PTGR2: variants seen among roughly 807,000 people sequenced by gnomAD.
The protein encoded by PTGR2 is prostaglandin reductase 2, also known as 15-oxoprostaglandin 13-reductase.
In PTGR2, 32 loss-of-function variants were observed where a neutral mutation model predicts 43.4. The ratio of observed to expected loss-of-function variants is 0.74; its 90% CI spans 0.56 to 0.99. The LOEUF is 0.99. Ranked by LOEUF, PTGR2 falls within the 50% of genes least tolerant of loss-of-function variation. The pLI is 0.00. For synonymous variants in PTGR2, 106 were observed against 139.2 expected (o/e 0.76, Z 1.68); for missense variants, 373 against 420.0 (o/e 0.89, Z 0.98).
At chr14:73,868,328 G>A (rs557794221) in intron 3 of PTGR2, among the ~76,000 whole-genome samples, 59 of 151,894 alleles carry the variant, frequency 3.9e-4, no homozygotes, top group Middle Eastern at 3.4e-3. Context: ...TCCTTTACCT[G>A]TCCAGGCTCA....
At position 73,873,465 on chromosome 14, in the gene PTGR2, C is replaced by CT. The variant is rs373183552; in HGVS notation, c.157-546dup. 1.6e-3 allele frequency among the ~76,000 whole-genome samples: 237 copies of CT among 145,838 alleles called. 1 individual carries two copies. The highest frequency in any genetic ancestry group is 4.4e-3 in the African/African-American group (176 of 39,622). On this transcript the variant is annotated intron_variant, in intron 3 of 9. Coordinates refer to ENST00000555661, the MANE Select transcript of PTGR2 (RefSeq NM_001146154.2). ...CAAGTTTCTTTTTTTCTTTTCTTTTCTTTTTTTTTTTTGAGACGGAGTTTC... is the reference window on the plus strand; with the variant it reads ...CAAGTTTCTTTTTTTCTTTTCTTTTCTTTTTTTTTTTTTGAGACGGAGTTTC...
At chr14:73,855,061 C>A (rs2054313397) in intron 1 of PTGR2, among the ~76,000 whole-genome samples, 1 of 152,054 alleles carries the variant, frequency 6.6e-6, no homozygotes, top group South Asian at 2.1e-4. Flanking sequence ...AAATCAAGGG[C>A]ATGAAATAAA....
chr14:73,858,685 C>T (rs758782349), intron 1 of PTGR2, 131 bp from the exon 2 acceptor site: 7 of 426,264 alleles, frequency 1.6e-5, no homozygotes, highest in Non-Finnish European at 2.1e-5. Flanking sequence ...CTCTGACAGG[C>T]GAGTTTATCT....
At chr14:73,876,867 C>T in intron 4 of PTGR2, 131 bp from the exon 5 acceptor site, 1 of 604,716 alleles carries the variant, frequency 1.7e-6, no homozygotes, top group South Asian at 2.8e-5. Flanking sequence ...CAAATAAAGT[C>T]ACACTGGGGC....
intron 4 of PTGR2, among the ~76,000 whole-genome samples, chr14:73,876,009 C>T (rs954845700): frequency 7.3e-5 from 11 of 150,556 alleles, no homozygotes; most frequent in Middle Eastern, 3.5e-3. Context: ...TTAGTAGAGA[C>T]GGGGTTTCAC....
intron 3 of PTGR2, among the ~76,000 whole-genome samples, chr14:73,867,045 C>T (rs887498897): frequency 1.5e-5 from 2 of 135,972 alleles, no homozygotes; most frequent in African/African-American, 2.8e-5. Flanking sequence ...GCCAAGATCG[C>T]GGCATTGCAC....
intron 9 of PTGR2, 73 bp from the exon 10 acceptor site, chr14:73,884,028 A>G (rs1285723096): frequency 1.7e-5 from 15 of 862,382 alleles, no homozygotes; most frequent in Non-Finnish European, 2.5e-5. Context: ...ATAATTTTAT[A>G]TGTTGTACCT....
At position 73,884,119 on chromosome 14, in the gene PTGR2, T is replaced by C. The variant is rs1373271327; in HGVS notation, c.998T>C (p.Met333Thr). 2 of 1,607,064 alleles carry C rather than the reference T, an allele frequency of 1.2e-6. No individual in the cohort carries two copies. The highest frequency in any genetic ancestry group is 1.7e-6 in the Non-Finnish European group (2 of 1,176,198). Residue 333 changes from methionine (M) to threonine (T), a missense_variant, in exon 10 of 10, where the codon ATG (methionine) becomes ACG (threonine). Met to Thr is a moderately conservative substitution (Grantham distance 81). Transcript: ENST00000555661. ...ENMGAAFQSM[M>T]TGGNIGKQIV... ...TTTCCAGCTGCATTCCAGTCCATGA[T>C]GACAGGAGGTAACATTGGAAAGCAG...
chr14:73,877,223 C>T (rs2054886383), intron 5 of PTGR2, 55 bp downstream of exon 5: 1 of 1,477,512 alleles, frequency 6.8e-7, no homozygotes, highest in South Asian at 1.2e-5. Context: ...TGTTATAATT[C>T]TTAATTGAAA....
rs574961527 is a variant in PTGR2 at position 73,879,368 on chromosome 14, A to G, written c.729+63A>G. ...ACTTTATATGTTGTGATATCTTTTT[A>G]CCTAATACTGAGAAAAAAATTTATA... On this transcript the variant is annotated intron_variant, in intron 6 of 9. Coordinates refer to ENST00000555661, the MANE Select transcript of PTGR2 (RefSeq NM_001146154.2). 1.2e-5 allele frequency: 18 copies of G among 1,440,566 alleles called. No individual in the cohort carries two copies. The African/African-American group carries it at 2.5e-4, about 20-fold the overall frequency. 89.2% of individuals were successfully genotyped at this position (1,440,566 alleles called of 1,614,324 possible). A position where few individuals can be genotyped will look rare whatever the true frequency, so the allele number is the denominator to read the frequency against.
intron 8 of PTGR2, 31 bp from the exon 9 acceptor site, chr14:73,882,368 G>A (rs751414014): frequency 6.6e-6 from 9 of 1,363,122 alleles, no homozygotes; most frequent in Non-Finnish European, 1.0e-6. Flanking sequence ...GAAGTTTAAA[G>A]ACTATTAAAT....
chr14:73,863,976 A>G (rs759688976), intron 3 of PTGR2, among the ~76,000 whole-genome samples: 4 of 151,970 alleles, frequency 2.6e-5, no homozygotes, highest in South Asian at 2.1e-4. Context: ...AGACAGCCCA[A>G]GCTGGTCTTG....
chr14:73,877,210 G>T (rs375575310), intron 5 of PTGR2, 42 bp downstream of exon 5: 5 of 1,524,782 alleles, frequency 3.3e-6, no homozygotes, highest in Admixed American at 1.9e-5. Context: ...ATTATTTGAC[G>T]ATTGTTATAA....
chr14:73,851,911 C>T lies in PTGR2; in HGVS notation c.-80C>T, dbSNP rs546857032. On this transcript the variant is annotated 5_prime_UTR_variant, in exon 1 of 10. Coordinates refer to ENST00000555661, the MANE Select transcript of PTGR2 (RefSeq NM_001146154.2). ...GCAGTACAGCCTCTTTCCGGCAAAT[C>T]ACGCGAGATTTCGTTCACCCGGGCT... 13 of 152,344 alleles carry T rather than the reference C, an allele frequency of 8.5e-5. No homozygotes were observed. The highest frequency in any genetic ancestry group is 2.6e-4 in the African/African-American group (11 of 41,562). 9.4% of individuals were successfully genotyped at this position (152,344 alleles called of 1,614,324 possible).
rs1324693963 is a variant in PTGR2 at position 73,857,242 on chromosome 14, T to TTG, written c.-47-1573_-47-1572insGT. 2.1e-3 allele frequency among the ~76,000 whole-genome samples: 315 copies of TTG among 151,202 alleles called. 4 individuals are homozygous for TTG. The highest frequency in any genetic ancestry group is 7.3e-3 in the African/African-American group (298 of 40,712). Reference sequence around the variant, plus strand: ...CTAAACTATAAAGGAATTTCCGTTTTTTTTTTTTTTAATTCACCACTGATA... The same window carrying TTG: ...CTAAACTATAAAGGAATTTCCGTTTTTGTTTTTTTTTTAATTCACCACTGATA... On this transcript the variant is annotated intron_variant, in intron 1 of 9. Coordinates refer to ENST00000555661, the MANE Select transcript of PTGR2 (RefSeq NM_001146154.2).
chr14:73,873,222 G>A (rs1429610770), intron 3 of PTGR2, among the ~76,000 whole-genome samples: 1 of 151,762 alleles, frequency 6.6e-6, no homozygotes, highest in Non-Finnish European at 1.5e-5. Flanking sequence ...CAGGAGAATC[G>A]CTTGAACCCA....
At chr14:73,880,226 A>G (rs138428400) in intron 7 of PTGR2, 50 bp downstream of exon 7, 2 of 1,593,068 alleles carry the variant, frequency 1.3e-6, no homozygotes, top group Non-Finnish European at 1.7e-6. Flanking sequence ...GGTTTTAAAT[A>G]TCATAGATGT....
intron 3 of PTGR2, among the ~76,000 whole-genome samples, chr14:73,863,647 C>T (rs1347728215): frequency 6.7e-6 from 1 of 149,950 alleles, no homozygotes; most frequent in Non-Finnish European, 1.5e-5. Context: ...GACAGTTTCA[C>T]TCTATCCCCC....
chr14:73,881,620 G>A (rs1306716338), intron 8 of PTGR2, among the ~76,000 whole-genome samples: 1 of 152,044 alleles, frequency 6.6e-6, no homozygotes. Context: ...GTTAGAAGCT[G>A]TGCTTTCTCA....
Sources: gnomAD v4.1 joint callset for allele counts (sites outside exome capture counted in the v4.1 genomes callset) on GRCh38, gnomAD v4.1.1 for gene constraint, MANE v1.5 for transcripts, NCBI Gene and HGNC (gene_info 2026-07-23, HGNC 2026-07-21) for gene names.